Variants in VSTM4 observed in about 807,000 individuals in gnomAD.
The protein encoded by VSTM4 is V-set and transmembrane domain containing 4.
In VSTM4, 20 loss-of-function variants were observed where a neutral mutation model predicts 36.4. The ratio of observed to expected loss-of-function variants is 0.55; its 90% CI spans 0.39 to 0.80. VSTM4 has a LOEUF of 0.80. Among genes scored for constraint, VSTM4 ranks in the 30% least tolerant of loss-of-function variants. The probability of loss-of-function intolerance (pLI) is 0.00; values close to 1 mark genes in which losing one functional copy is unlikely to be tolerated. For missense variants in VSTM4, 392 were observed against 404.5 expected (o/e 0.97, Z 0.26); for synonymous variants, 182 against 173.9 (o/e 1.05, Z -0.37).
At position 49,014,582 on chromosome 10, in the gene VSTM4, G is replaced by A. The variant is rs1000923747; in HGVS notation, c.*5068C>T. On this transcript the variant is annotated 3_prime_UTR_variant, in exon 8 of 8. Coordinates refer to ENST00000332853, the MANE Select transcript of VSTM4 (RefSeq NM_001031746.5). ...AGACCAGACACAGCTCAGCGCCCAC[G>A]TCTGTTAGCCTTAGGCACTGGGGAA... 6.7e-5 allele frequency: 10 copies of A among 149,266 alleles called. No homozygotes were observed. The highest frequency in any genetic ancestry group is 1.5e-4 in the Non-Finnish European group (10 of 67,474). The allele number at this position is 149,266 out of a possible 1,614,324, so 9.2% of individuals were successfully genotyped here. A position where few individuals can be genotyped will look rare whatever the true frequency, so the allele number is the denominator to read the frequency against.
At chr10:49,034,557 T>G (rs965274412) in intron 7 of VSTM4, among the ~76,000 whole-genome samples, 2 of 152,260 alleles carry the variant, frequency 1.3e-5, no homozygotes, top group African/African-American at 4.8e-5. Flanking sequence ...GAAGTTATAA[T>G]AATAAATTAG....
chr10:49,020,020 C>T (rs1843158801), intron 7 of VSTM4, among the ~76,000 whole-genome samples: 1 of 152,092 alleles, frequency 6.6e-6, no homozygotes, highest in Non-Finnish European at 1.5e-5. Context: ...TGACATGAAA[C>T]ACTCACAAAA....
intron 4 of VSTM4, among the ~76,000 whole-genome samples, chr10:49,075,652 C>G (rs1245665753): frequency 6.6e-6 from 1 of 152,238 alleles, no homozygotes; most frequent in Admixed American, 6.5e-5. Flanking sequence ...AGCATAGAGA[C>G]ACAGGCAGAG....
chr10:49,087,236 C>G (rs2132002635), intron 2 of VSTM4, among the ~76,000 whole-genome samples: 1 of 152,034 alleles, frequency 6.6e-6, no homozygotes, highest in Admixed American at 6.5e-5. Flanking sequence ...TTGTTTAATT[C>G]TTTTGTAGAT....
chr10:49,101,964 T>C (rs1056168152), intron 2 of VSTM4, among the ~76,000 whole-genome samples: 1 of 119,452 alleles, frequency 8.4e-6, no homozygotes, highest in Admixed American at 8.2e-5. Flanking sequence ...AAAATACATG[T>C]GTGTCTGCGT....
chr10:49,061,760 G>A (rs894940777), intron 5 of VSTM4, among the ~76,000 whole-genome samples: 14 of 151,966 alleles, frequency 9.2e-5, no homozygotes, highest in African/African-American at 2.7e-4. Context: ...ATCTACTTAC[G>A]TCACTGTGTA....
At chr10:49,023,949 G>A (rs1160479956) in intron 7 of VSTM4, among the ~76,000 whole-genome samples, 1 of 152,140 alleles carries the variant, frequency 6.6e-6, no homozygotes, top group East Asian at 1.9e-4. Flanking sequence ...CCTCAGACCC[G>A]GACCGAGTTT....
rs567488421 is a variant in VSTM4 at position 49,064,519 on chromosome 10, G to A, written c.668+184C>T. On this transcript the variant is annotated intron_variant, in intron 5 of 7. Transcript: ENST00000332853. ...GCATGCTCTCTGGATCCCTGGGGGT[G>A]AAAACCAGACTGTAGACCTTGGAAA... 17 of 693,052 alleles carry A rather than the reference G, an allele frequency of 2.5e-5. No individual in the cohort carries two copies. In the East Asian group the frequency reaches 4.7e-4, roughly 19 times the overall value. 42.9% of individuals were successfully genotyped at this position (693,052 alleles called of 1,614,324 possible).
chr10:49,099,146 G>A (rs981781393), intron 2 of VSTM4, among the ~76,000 whole-genome samples: 10 of 152,276 alleles, frequency 6.6e-5, no homozygotes, highest in African/African-American at 2.2e-4. Flanking sequence ...TAGTACCTAC[G>A]ACACAATCAC....
At chr10:49,100,201 G>C (rs1844643265) in intron 2 of VSTM4, among the ~76,000 whole-genome samples, 2 of 152,114 alleles carry the variant, frequency 1.3e-5, no homozygotes, top group Admixed American at 1.3e-4. Context: ...GTAGCTGTAT[G>C]GGCTAGATGG....
chr10:49,066,606 C>G (rs923557881), intron 4 of VSTM4, among the ~76,000 whole-genome samples: 1 of 151,866 alleles, frequency 6.6e-6, no homozygotes, highest in Admixed American at 6.6e-5. Flanking sequence ...AATTTTATCC[C>G]TAAAAAATTC....
At chr10:49,080,513 T>A (rs1261000407) in intron 3 of VSTM4, among the ~76,000 whole-genome samples, 1 of 152,232 alleles carries the variant, frequency 6.6e-6, no homozygotes, top group Non-Finnish European at 1.5e-5. Flanking sequence ...TCTTGGCAAT[T>A]TAGATGTCTG....
At chr10:49,021,755 T>C (rs1386157539) in intron 7 of VSTM4, among the ~76,000 whole-genome samples, 1 of 152,186 alleles carries the variant, frequency 6.6e-6, no homozygotes, top group Non-Finnish European at 1.5e-5. Flanking sequence ...TGGGAGTCTT[T>C]CTTGGTACAA....
At chr10:49,062,143 C>A (rs1166332731) in intron 5 of VSTM4, among the ~76,000 whole-genome samples, 1 of 152,204 alleles carries the variant, frequency 6.6e-6, no homozygotes, top group Non-Finnish European at 1.5e-5. Context: ...TTTTGCCTCA[C>A]TCACTTTTAA....
intron 5 of VSTM4, among the ~76,000 whole-genome samples, chr10:49,053,762 C>T (rs1030898603): frequency 7.2e-5 from 11 of 152,118 alleles, no homozygotes; most frequent in African/African-American, 2.4e-4. Flanking sequence ...GAAAGTCTTC[C>T]TGCCCAGGAT....
At position 49,046,269 on chromosome 10, in the gene VSTM4, G is replaced by A. The variant is rs950791020; in HGVS notation, c.837+714C>T. 3.3e-5 allele frequency among the ~76,000 whole-genome samples: 5 copies of A among 152,076 alleles called. No homozygotes were observed. The South Asian group carries it at 1.0e-3, about 32-fold the overall frequency. On this transcript the variant is annotated intron_variant, in intron 7 of 7. Transcript: ENST00000332853. ...AACCTCAGAGAGTACCAAATTGAGG[G>A]ACATTCTAAAAAATCACTGGCCACT...
chr10:49,095,429 C>T (rs1387405457), intron 2 of VSTM4, among the ~76,000 whole-genome samples: 1 of 152,106 alleles, frequency 6.6e-6, no homozygotes, highest in African/African-American at 2.4e-5. Context: ...CCGGCAGGGT[C>T]CTTGGTACCA....
At chr10:49,101,979 GTGTGTGTGTT>G (rs1167895505) in intron 2 of VSTM4, among the ~76,000 whole-genome samples, 1 of 144,916 alleles carries the variant, frequency 6.9e-6, no homozygotes, top group Non-Finnish European at 1.5e-5. Context: ...CTGCGTGTGT[GTGTGTGTGTT>G]TGTGTGTGTG....
At chr10:49,086,108 A>G (rs574531875) in intron 2 of VSTM4, 85 bp from the exon 3 acceptor site, 13 of 859,810 alleles carry the variant, frequency 1.5e-5, no homozygotes, top group Admixed American at 3.0e-5. Context: ...AGCAATTTCT[A>G]CATTTGCAAA....
Sources: gnomAD v4.1 joint callset for allele counts (sites outside exome capture counted in the v4.1 genomes callset) on GRCh38, gnomAD v4.1.1 for gene constraint, MANE v1.5 for transcripts, NCBI Gene and HGNC (gene_info 2026-07-23, HGNC 2026-07-21) for gene names.